Variants in APBB2 observed in about 807,000 individuals in gnomAD.
APBB2 encodes the protein Fe65-like 1.
APBB2 carries 38 observed loss-of-function variants against 82.5 expected under a neutral mutation model. The observed-to-expected ratio is 0.46, with a 90% CI of 0.36 to 0.60. APBB2 has a LOEUF of 0.60. Among genes scored for constraint, APBB2 ranks in the 20% least tolerant of loss-of-function variants. The pLI, the probability that APBB2 is intolerant of heterozygous loss-of-function variation, is 0.00. For missense variants in APBB2, 772 were observed against 972.3 expected, an observed-to-expected ratio of 0.79 and a Z score of 2.74; for synonymous variants, 341 against 368.2, an observed-to-expected ratio of 0.93 and a Z score of 0.85.
intron 10 of APBB2, among the ~76,000 whole-genome samples, chr4:40,922,622 A>T (rs1781538351): frequency 1.3e-5 from 2 of 151,546 alleles, no homozygotes. Flanking sequence ...TTATTTACTT[A>T]TTTTTTGAGA....
intron 4 of APBB2, among the ~76,000 whole-genome samples, chr4:41,052,014 TGTAA>T: frequency 6.6e-6 from 1 of 152,328 alleles, no homozygotes; most frequent in South Asian, 2.1e-4. Context: ...GTAATTGCTG[TGTAA>T]GTGTTAACTG....
intron 1 of APBB2, chr4:41,193,659 G>A: frequency 3.1e-6 from 2 of 652,216 alleles, no homozygotes; most frequent in Non-Finnish European, 3.8e-6. Flanking sequence ...CCAGGACCCA[G>A]TTGGATACAG....
Position 41,082,492 on chromosome 4 carries a change from T to C in APBB2, c.-148-16819A>G, listed in dbSNP as rs150318891. Among the ~76,000 whole-genome samples, 4 of 152,250 alleles carry C rather than the reference T, an allele frequency of 2.6e-5. No individual in the cohort carries two copies. In the East Asian group the frequency reaches 7.7e-4, roughly 29 times the overall value. On this transcript the variant is annotated intron_variant, in intron 3 of 17. Transcript: ENST00000508593. ...CAGTGTTATAATAGCAGCTGTTAAT[T>C]TGAATTTATTTGAATATAAAGATTG... is the stretch of plus-strand genomic sequence containing the variant.
intron 12 of APBB2, among the ~76,000 whole-genome samples, chr4:40,835,070 G>C (rs988611522): frequency 1.3e-5 from 2 of 152,166 alleles, no homozygotes; most frequent in Non-Finnish European, 2.9e-5. Context: ...GAGGTCAGGA[G>C]ATCGAGACCA....
chr4:40,869,286 C>T (rs1764816519), intron 12 of APBB2, among the ~76,000 whole-genome samples: 1 of 152,064 alleles, frequency 6.6e-6, no homozygotes, highest in African/African-American at 2.4e-5. Flanking sequence ...AATCCTAGCC[C>T]TAGGATTAAA....
chr4:41,000,016 A>G (rs1479841714), intron 6 of APBB2, among the ~76,000 whole-genome samples: 1 of 94,218 alleles, frequency 1.1e-5, no homozygotes, highest in African/African-American at 3.1e-5. Flanking sequence ...CCGTATTTAC[A>G]AAAAAAAAAC....
chr4:41,170,940 C>G (rs981827092), intron 1 of APBB2, among the ~76,000 whole-genome samples: 2 of 152,050 alleles, frequency 1.3e-5, no homozygotes, highest in Non-Finnish European at 2.9e-5. Flanking sequence ...AAAAAGGAGG[C>G]CTAAATAACT....
At chr4:41,136,582 T>G (rs145939767) in intron 2 of APBB2, among the ~76,000 whole-genome samples, 296 of 152,160 alleles carry the variant, frequency 1.9e-3, no homozygotes, top group African/African-American at 6.5e-3. Flanking sequence ...ATGAGAAGAT[T>G]ACGAAGAAAG....
At chr4:41,045,615 G>A (rs999069566) in intron 4 of APBB2, among the ~76,000 whole-genome samples, 69 of 152,186 alleles carry the variant, frequency 4.5e-4, no homozygotes, top group South Asian at 2.1e-4. Flanking sequence ...CTAATTGAGC[G>A]TGTCTTCTGG....
At chr4:41,146,902 G>C (rs905069486) in intron 1 of APBB2, among the ~76,000 whole-genome samples, 1 of 152,162 alleles carries the variant, frequency 6.6e-6, no homozygotes, top group Admixed American at 6.5e-5. Context: ...CTGGCTTTGC[G>C]AGAGCCCGAA....
chr4:41,011,752 G>A (rs528248305), intron 6 of APBB2, among the ~76,000 whole-genome samples: 3 of 151,662 alleles, frequency 2.0e-5, no homozygotes, highest in South Asian at 4.2e-4. Context: ...ATTAATATGC[G>A]GATCTATGAC....
At chr4:40,818,044 A>G (rs1746418114) in intron 17 of APBB2, among the ~76,000 whole-genome samples, 1 of 152,234 alleles carries the variant, frequency 6.6e-6, no homozygotes, top group Non-Finnish European at 1.5e-5. Context: ...GTTCTATTCT[A>G]AATTTTGCCA....
intron 7 of APBB2, among the ~76,000 whole-genome samples, chr4:40,943,816 A>G (rs943170166): frequency 6.6e-6 from 1 of 152,228 alleles, no homozygotes; most frequent in African/African-American, 2.4e-5. Flanking sequence ...CAATGAGGGT[A>G]TGGCTGCCCC....
At chr4:41,168,952 T>A (rs1454077542) in intron 1 of APBB2, among the ~76,000 whole-genome samples, 1 of 151,324 alleles carries the variant, frequency 6.6e-6, no homozygotes, top group East Asian at 2.0e-4. Flanking sequence ...TTTGGGAGGC[T>A]GAGGTGGGCG....
In APBB2 at chr4:41,036,954, C is replaced by A. The variant is rs374713968; in HGVS notation, c.-50-3650G>T. Among the ~76,000 whole-genome samples, 35 of 152,290 alleles carry A rather than the reference C, an allele frequency of 2.3e-4. 1 individual carries two copies. The East Asian group carries it at 3.9e-3, about 17-fold the overall frequency. ...GCAGCACTTGGAAAATAGGCAAACA[C>A]TATACAAATGATGGCTTTTAAGAAC... On this transcript the variant is annotated intron_variant, in intron 4 of 17. Coordinates refer to ENST00000508593, the MANE Select transcript of APBB2 (RefSeq NM_004307.2).
At chr4:40,893,235 C>G in intron 11 of APBB2, 30 bp downstream of exon 11, 1 of 1,605,598 alleles carries the variant, frequency 6.2e-7, no homozygotes, top group Non-Finnish European at 8.5e-7. Context: ...CGTAAACAGC[C>G]TGCCGTGCAT....
chr4:40,961,367 C>A (rs1205448648), intron 6 of APBB2, among the ~76,000 whole-genome samples: 4 of 151,546 alleles, frequency 2.6e-5, no homozygotes, highest in African/African-American at 9.7e-5. Flanking sequence ...AATTGGAAAT[C>A]ATCATTCTCA....
chr4:41,014,485 A>C, intron 5 of APBB2, 87 bp from the exon 6 acceptor site: 2 of 1,273,908 alleles, frequency 1.6e-6, no homozygotes, highest in Non-Finnish European at 2.2e-6. Context: ...TAGAAAACTA[A>C]AAGAAGAAAT....
chr4:40,978,396 C>T (rs1362065314), intron 6 of APBB2, among the ~76,000 whole-genome samples: 14 of 152,186 alleles, frequency 9.2e-5, no homozygotes. Flanking sequence ...ACAAATGCAT[C>T]TACCCACCTG....
Sources: gnomAD v4.1 joint callset for allele counts (sites outside exome capture counted in the v4.1 genomes callset) on GRCh38, gnomAD v4.1.1 for gene constraint, MANE v1.5 for transcripts, NCBI Gene and HGNC (gene_info 2026-07-23, HGNC 2026-07-21) for gene names.